Variants in GPC5 observed in about 807,000 individuals in gnomAD.
GPC5 encodes the protein glypican 5.
GPC5 carries 47 observed loss-of-function variants against 53.9 expected under a neutral mutation model. The ratio of observed to expected loss-of-function variants is 0.87; its 90% CI spans 0.69 to 1.11. The LOEUF is 1.11. Among genes scored for constraint, GPC5 ranks in the 50% most tolerant of loss-of-function variants. GPC5 has a pLI of 0.00. For missense variants in GPC5, 748 were observed against 713.1 expected, an observed-to-expected ratio of 1.05 and a Z score of -0.56; for synonymous variants, 286 against 263.3, an observed-to-expected ratio of 1.09 and a Z score of -0.84.
At chr13:92,448,254 TG>T (rs1877911859) in intron 7 of GPC5, 1 of 152,180 alleles carries the variant, frequency 6.6e-6, no homozygotes. Flanking sequence ...TTTCATTTAT[TG>T]GCATTTAAAG....
At chr13:91,586,520 A>C (rs1251617326) in intron 2 of GPC5, among the ~76,000 whole-genome samples, 1 of 23,130 alleles carries the variant, frequency 4.3e-5, no homozygotes, top group South Asian at 1.5e-3. Flanking sequence ...ATATATATAT[A>C]TATATATATA....
chr13:92,452,198 T>G (rs1294371485), intron 7 of GPC5, among the ~76,000 whole-genome samples: 1 of 152,194 alleles, frequency 6.6e-6, no homozygotes, highest in East Asian at 1.9e-4. Flanking sequence ...ACTGCAGGAT[T>G]ACAGAAACGC....
intron 7 of GPC5, among the ~76,000 whole-genome samples, chr13:92,561,823 A>G (rs866332693): frequency 5.3e-5 from 8 of 152,044 alleles, no homozygotes; most frequent in African/African-American, 1.9e-4. Flanking sequence ...CAGTAAATCA[A>G]TCTCTGCTGC....
intron 7 of GPC5, among the ~76,000 whole-genome samples, chr13:92,516,706 C>T (rs1160580311): frequency 6.6e-6 from 1 of 152,126 alleles, no homozygotes; most frequent in African/African-American, 2.4e-5. Flanking sequence ...CCATTTCTGA[C>T]TTCTGTGATC....
intron 6 of GPC5, among the ~76,000 whole-genome samples, chr13:91,929,053 C>G (rs896474218): frequency 4.6e-5 from 7 of 152,060 alleles, no homozygotes; most frequent in African/African-American, 1.4e-4. Context: ...TTAGATCTAA[C>G]TCTTTCTCAG....
intron 7 of GPC5, chr13:92,509,654 T>C (rs1042426009): frequency 6.6e-6 from 1 of 152,190 alleles, no homozygotes; most frequent in Admixed American, 6.5e-5. Flanking sequence ...AGTATGGTGA[T>C]ACGGCATCCA....
intron 6 of GPC5, among the ~76,000 whole-genome samples, chr13:91,981,326 G>A (rs1157480721): frequency 6.8e-6 from 1 of 147,432 alleles, no homozygotes; most frequent in Non-Finnish European, 1.5e-5. Context: ...GTCTCGCTCT[G>A]TCGCCCAGGC....
chr13:92,654,554 G>C (rs544807156), intron 7 of GPC5, among the ~76,000 whole-genome samples: 3 of 152,222 alleles, frequency 2.0e-5, no homozygotes, highest in African/African-American at 7.2e-5. Context: ...TCTAATTTGA[G>C]AGAATAATTC....
chr13:91,885,520 C>T (rs1309223677), intron 5 of GPC5, among the ~76,000 whole-genome samples: 2 of 152,146 alleles, frequency 1.3e-5, no homozygotes, highest in African/African-American at 2.4e-5. Flanking sequence ...TCTCATTGCC[C>T]TTGCATCTTT....
chr13:91,499,835 C>G (rs1332981709), intron 2 of GPC5, among the ~76,000 whole-genome samples: 1 of 152,138 alleles, frequency 6.6e-6, no homozygotes, highest in African/African-American at 2.4e-5. Context: ...GAGCCACTTC[C>G]TAAAACATCA....
In GPC5 at chr13:92,204,404, T is replaced by C. The variant is rs187067659; in HGVS notation, c.1561+59415T>C. 5.4e-3 allele frequency among the ~76,000 whole-genome samples: 824 copies of C among 152,316 alleles called. 6 individuals are homozygous for C. The highest frequency in any genetic ancestry group is 0.019 in the African/African-American group (789 of 41,568). ...TGGGAAGTGGTAACATTACAAATAT[T>C]GATTAATGTTTGCCAAGAACTAGCC... is the stretch of plus-strand genomic sequence containing the variant. On this transcript the variant is annotated intron_variant, in intron 7 of 7. Transcript: ENST00000377067.
At chr13:91,714,409 G>C (rs1395143112) in intron 3 of GPC5, among the ~76,000 whole-genome samples, 1 of 152,174 alleles carries the variant, frequency 6.6e-6, no homozygotes, top group Non-Finnish European at 1.5e-5. Context: ...AGGTTCATAA[G>C]TAATGCATTC....
intron 2 of GPC5, among the ~76,000 whole-genome samples, chr13:91,541,003 G>A (rs1441968757): frequency 6.6e-6 from 1 of 152,144 alleles, no homozygotes; most frequent in African/African-American, 2.4e-5. Flanking sequence ...ACATTATTAT[G>A]TATTTTAAAA....
chr13:92,520,058 A>T (rs1472534115), intron 7 of GPC5, among the ~76,000 whole-genome samples: 1 of 152,208 alleles, frequency 6.6e-6, no homozygotes, highest in East Asian at 1.9e-4. Flanking sequence ...GGACACATAC[A>T]CCCTTCCAAG....
chr13:91,877,885 G>A (rs563524704), intron 5 of GPC5, among the ~76,000 whole-genome samples: 1 of 152,312 alleles, frequency 6.6e-6, no homozygotes, highest in East Asian at 1.9e-4. Context: ...AAAGGTAATT[G>A]AATCATGGGG....
At chr13:92,512,249 T>TGTGTGCGC (rs3064762) in intron 7 of GPC5, among the ~76,000 whole-genome samples, 86 of 149,576 alleles carry the variant, frequency 5.7e-4, no homozygotes, top group Middle Eastern at 3.4e-3. Flanking sequence ...TGTGTGTGTG[T>TGTGTGCGC]GCGCGCGCGC....
chr13:92,706,656 A>C (rs1887961377), intron 7 of GPC5, among the ~76,000 whole-genome samples: 1 of 152,182 alleles, frequency 6.6e-6, no homozygotes, highest in Non-Finnish European at 1.5e-5. Context: ...CTCTACTTCC[A>C]GGATGATATT....
At chr13:92,601,554 CAAAAAAAA>C (rs57333686) in intron 7 of GPC5, among the ~76,000 whole-genome samples, 5 of 67,402 alleles carry the variant, frequency 7.4e-5, no homozygotes, top group Admixed American at 6.0e-4. Context: ...GACTCCATCT[CAAAAAAAA>C]AAAAAAAAAA....
At chr13:91,739,776 C>T (rs146645580) in intron 4 of GPC5, among the ~76,000 whole-genome samples, 1 of 151,544 alleles carries the variant, frequency 6.6e-6, no homozygotes, top group East Asian at 1.9e-4. Context: ...ATTGTTTTTG[C>T]AATATTCCAT....
Sources: gnomAD v4.1 joint callset for allele counts (sites outside exome capture counted in the v4.1 genomes callset) on GRCh38, gnomAD v4.1.1 for gene constraint, MANE v1.5 for transcripts, NCBI Gene and HGNC (gene_info 2026-07-23, HGNC 2026-07-21) for gene names.